CCSER1: variants seen among roughly 807,000 people sequenced by gnomAD.
The protein encoded by CCSER1 is coiled-coil serine rich protein 1.
In CCSER1, 41 loss-of-function variants were observed where a neutral mutation model predicts 82.0. The ratio of observed to expected loss-of-function variants is 0.50; its 90% CI spans 0.39 to 0.65. CCSER1 has a LOEUF of 0.65. Ranked by LOEUF, CCSER1 falls within the 30% of genes least tolerant of loss-of-function variation. The pLI is 0.00. For missense variants in CCSER1, 1,119 were observed against 1,064.2 expected (o/e 1.05, Z -0.72); for synonymous variants, 414 against 383.9 (o/e 1.08, Z -0.92).
chr4:91,506,295 T>C (rs926761454), intron 10 of CCSER1, among the ~76,000 whole-genome samples: 2 of 152,218 alleles, frequency 1.3e-5, no homozygotes, highest in African/African-American at 4.8e-5. Flanking sequence ...GGTCTATGTG[T>C]CTGTTTTTGT....
intron 8 of CCSER1, among the ~76,000 whole-genome samples, chr4:90,878,701 A>G (rs899385546): frequency 3.3e-5 from 5 of 152,130 alleles, no homozygotes; most frequent in Non-Finnish European, 4.4e-5. Flanking sequence ...TCTTTCCTCA[A>G]TGGAGATGCA....
intron 7 of CCSER1, among the ~76,000 whole-genome samples, chr4:90,734,250 C>CA (rs1344156529): frequency 6.6e-6 from 1 of 151,988 alleles, no homozygotes; most frequent in Non-Finnish European, 1.5e-5. Context: ...CTCTGCCTCT[C>CA]AAGTAGCTGG....
intron 9 of CCSER1, among the ~76,000 whole-genome samples, chr4:91,058,880 TTA>T (rs1743685114): frequency 6.6e-6 from 1 of 152,002 alleles, no homozygotes; most frequent in Non-Finnish European, 1.5e-5. Flanking sequence ...CCAGTATGAA[TTA>T]TTGTCTTTCC....
At chr4:90,302,662 G>T (rs1733382150) in intron 1 of CCSER1, among the ~76,000 whole-genome samples, 2 of 152,032 alleles carry the variant, frequency 1.3e-5, no homozygotes, top group South Asian at 4.2e-4. Context: ...AGTTAATTGG[G>T]CATGATGCTG....
At chr4:90,394,294 T>C (rs1214271068) in intron 3 of CCSER1, among the ~76,000 whole-genome samples, 6 of 152,142 alleles carry the variant, frequency 3.9e-5, no homozygotes, top group African/African-American at 1.4e-4. Context: ...AGAGACACCA[T>C]GCCCTTTACA....
At chr4:90,210,424 T>G (rs1283226047) in intron 1 of CCSER1, among the ~76,000 whole-genome samples, 1 of 150,052 alleles carries the variant, frequency 6.7e-6, no homozygotes, top group Non-Finnish European at 1.5e-5. Context: ...TATTCTGCTA[T>G]CATTTCTTTT....
intron 5 of CCSER1, among the ~76,000 whole-genome samples, chr4:90,613,209 G>A (rs1720581806): frequency 6.6e-6 from 1 of 152,100 alleles, no homozygotes; most frequent in Non-Finnish European, 1.5e-5. Context: ...GTTATTGGAA[G>A]GATATGAAGA....
At chr4:90,515,814 C>G (rs568050648) in intron 5 of CCSER1, among the ~76,000 whole-genome samples, 2 of 152,210 alleles carry the variant, frequency 1.3e-5, no homozygotes, top group South Asian at 4.1e-4. Flanking sequence ...GATTCAAACC[C>G]TAGGGTCACA....
chr4:90,275,167 T>C (rs1210517375), intron 1 of CCSER1, among the ~76,000 whole-genome samples: 2 of 152,114 alleles, frequency 1.3e-5, no homozygotes, highest in Non-Finnish European at 2.9e-5. Context: ...CAGAACATGG[T>C]CTCATAATCA....
At chr4:90,466,183 T>A (rs1422664004) in intron 4 of CCSER1, among the ~76,000 whole-genome samples, 2 of 152,128 alleles carry the variant, frequency 1.3e-5, no homozygotes, top group Non-Finnish European at 1.5e-5. Flanking sequence ...TTTCAGTTAA[T>A]CAAAAAGGAA....
chr4:91,052,186 C>G (rs947104392), intron 9 of CCSER1, among the ~76,000 whole-genome samples: 1 of 151,866 alleles, frequency 6.6e-6, no homozygotes, highest in East Asian at 1.9e-4. Context: ...TATTTGCTAT[C>G]GTTATATAAT....
chr4:90,847,388 G>A (rs574796715), intron 8 of CCSER1, among the ~76,000 whole-genome samples: 24 of 152,286 alleles, frequency 1.6e-4, no homozygotes, highest in Non-Finnish European at 3.2e-4. Flanking sequence ...TTGCCACTTA[G>A]CATCTCAGAA....
chr4:91,049,588 A>G (rs1415618944), intron 9 of CCSER1, among the ~76,000 whole-genome samples: 2 of 152,194 alleles, frequency 1.3e-5, no homozygotes, highest in Non-Finnish European at 2.9e-5. Context: ...AAATAAAGAT[A>G]ATCTCAAAAC....
chr4:91,336,730 CTCTT>C (rs1352696643), intron 10 of CCSER1, among the ~76,000 whole-genome samples: 2 of 151,974 alleles, frequency 1.3e-5, no homozygotes, highest in Admixed American at 6.6e-5. Context: ...CTTAAGAACT[CTCTT>C]TAATTATATT....
chr4:90,811,842 G>T (rs180736290), intron 7 of CCSER1, among the ~76,000 whole-genome samples: 1 of 144,986 alleles, frequency 6.9e-6, no homozygotes, highest in Non-Finnish European at 1.5e-5. Context: ...TTAGCTAGTT[G>T]TATCTTGTAG....
Position 90,308,788 on chromosome 4 carries a change from A to C in CCSER1, c.504A>C (p.Gln168His), listed in dbSNP as rs745462571. The change falls in exon 2 of 11, where the codon CAA becomes CAC. Residue 168 changes from glutamine to histidine, a missense_variant. Coordinates refer to ENST00000509176, the MANE Select transcript of CCSER1 (RefSeq NM_001145065.2). Reference sequence around the variant, plus strand: ...ATGATTCTGGTTTCACAGAAGACCAAACTCGTCGTTCTGTTAAGCAGTCAA... The same window carrying C: ...ATGATTCTGGTTTCACAGAAGACCACACTCGTCGTTCTGTTAAGCAGTCAA... ...EGDDSGFTEDQTRRSVKQSTR... is the reference protein window; with the variant it reads ...EGDDSGFTEDHTRRSVKQSTR... The C allele has an allele frequency of 1.2e-6, 2 of 1,613,856 alleles. No homozygotes were observed. The highest frequency in any genetic ancestry group is 1.1e-5 in the South Asian group (1 of 91,074).
At chr4:91,180,764 G>A (rs1365770254) in intron 10 of CCSER1, among the ~76,000 whole-genome samples, 3 of 152,212 alleles carry the variant, frequency 2.0e-5, no homozygotes, top group African/African-American at 4.8e-5. Flanking sequence ...ATATAGAGGT[G>A]TGAAATGGGA....
intron 1 of CCSER1, among the ~76,000 whole-genome samples, chr4:90,129,746 C>A (rs565026486): frequency 6.6e-6 from 1 of 152,148 alleles, no homozygotes; most frequent in Non-Finnish European, 1.5e-5. Context: ...CTTTGAAAAA[C>A]AAAGCAGAGT....
intron 1 of CCSER1, among the ~76,000 whole-genome samples, chr4:90,184,077 A>G (rs965027163): frequency 2.6e-5 from 4 of 152,170 alleles, no homozygotes; most frequent in African/African-American, 9.7e-5. Flanking sequence ...GTCTAGAAAT[A>G]GCACCTAGGG....
Sources: gnomAD v4.1 joint callset for allele counts (sites outside exome capture counted in the v4.1 genomes callset) on GRCh38, gnomAD v4.1.1 for gene constraint, MANE v1.5 for transcripts, NCBI Gene and HGNC (gene_info 2026-07-23, HGNC 2026-07-21) for gene names.